Variants in DNAAF9 observed in about 807,000 individuals in gnomAD.
The protein encoded by DNAAF9 is shulin.
In DNAAF9, 90 loss-of-function variants were observed where a neutral mutation model predicts 167.0. That is an observed-to-expected ratio of 0.54 (90% CI 0.45 to 0.64). The LOEUF (loss-of-function observed/expected upper bound fraction) is 0.64. Among genes scored for constraint, DNAAF9 ranks in the 30% least tolerant of loss-of-function variants. DNAAF9 has a pLI of 0.00. For missense variants in DNAAF9, 1,315 were observed against 1,442.2 expected, an observed-to-expected ratio of 0.91 and a Z score of 1.43; for synonymous variants, 491 against 508.8, an observed-to-expected ratio of 0.96 and a Z score of 0.47.
intron 10 of DNAAF9, among the ~76,000 whole-genome samples, chr20:3,339,802 A>T (rs895391015): frequency 6.6e-6 from 1 of 152,162 alleles, no homozygotes; most frequent in Non-Finnish European, 1.5e-5. Flanking sequence ...AGGTGGGAGG[A>T]TCACCTGAGC....
At chr20:3,352,846 T>TTATAAATATATA (rs1555795387) in intron 7 of DNAAF9, among the ~76,000 whole-genome samples, 23 of 146,718 alleles carry the variant, frequency 1.6e-4, no homozygotes, top group Admixed American at 3.4e-4. Flanking sequence ...TTCAAAATAT[T>TTATAAATATATA]TATATATATA....
chr20:3,376,400 G>T (rs532339060), intron 3 of DNAAF9, 98 bp from the exon 4 acceptor site: 1 of 984,338 alleles, frequency 1.0e-6, no homozygotes, highest in African/African-American at 1.7e-5. Flanking sequence ...AACTACTTCA[G>T]AGACAATGTA....
intron 1 of DNAAF9, among the ~76,000 whole-genome samples, chr20:3,387,079 A>G (rs1036014829): frequency 1.3e-5 from 2 of 152,174 alleles, no homozygotes; most frequent in African/African-American, 2.4e-5. Context: ...TAAGCTGTCA[A>G]TGTTACCCAA....
intron 12 of DNAAF9, among the ~76,000 whole-genome samples, chr20:3,329,218 G>T (rs6084339): frequency 3.9e-5 from 4 of 103,366 alleles, no homozygotes; most frequent in Non-Finnish European, 8.1e-5. Flanking sequence ...CCCAGGCTGC[G>T]TGTAGTGGTG....
intron 9 of DNAAF9, among the ~76,000 whole-genome samples, chr20:3,342,873 C>T (rs536532042): frequency 5.3e-5 from 8 of 152,298 alleles, no homozygotes; most frequent in Non-Finnish European, 7.4e-5. Flanking sequence ...CCTCATTGAA[C>T]CCATCTTCGT....
chr20:3,335,271 G>T (rs746170990), intron 10 of DNAAF9, among the ~76,000 whole-genome samples: 1 of 151,978 alleles, frequency 6.6e-6, no homozygotes, highest in Admixed American at 6.6e-5. Flanking sequence ...CTTTTAGGTA[G>T]GTCTTCCAGC....
At chr20:3,355,898 T>G (rs1008471653) in intron 7 of DNAAF9, among the ~76,000 whole-genome samples, 1 of 152,176 alleles carries the variant, frequency 6.6e-6, no homozygotes, top group Non-Finnish European at 1.5e-5. Context: ...TCTTTTTTTT[T>G]TCAGATCCAG....
chr20:3,346,258 T>G (rs2070191076), intron 8 of DNAAF9, among the ~76,000 whole-genome samples: 1 of 152,164 alleles, frequency 6.6e-6, no homozygotes, highest in Non-Finnish European at 1.5e-5. Flanking sequence ...TGGCAATAAC[T>G]AACAACATGA....
At chr20:3,363,720 C>T (rs1481405112) in intron 6 of DNAAF9, among the ~76,000 whole-genome samples, 2 of 152,020 alleles carry the variant, frequency 1.3e-5, no homozygotes, top group Non-Finnish European at 2.9e-5. Flanking sequence ...AACAAAAAGA[C>T]ATAAAATGTC....
At chr20:3,262,867 A>C (rs988181226) in intron 31 of DNAAF9, among the ~76,000 whole-genome samples, 4 of 152,172 alleles carry the variant, frequency 2.6e-5, no homozygotes, top group Non-Finnish European at 5.9e-5. Flanking sequence ...ACATGATTCA[A>C]ATCAGAGATT....
At position 3,394,942 on chromosome 20, in the gene DNAAF9, C is replaced by CTTTTTTTTTTTTTTTTTTTT. The variant is rs1258382355; in HGVS notation, c.84-12437_84-12436insAAAAAAAAAAAAAAAAAAAA. 6.7e-5 allele frequency among the ~76,000 whole-genome samples: 6 copies of CTTTTTTTTTTTTTTTTTTTT among 89,018 alleles called. 2 individuals carry two copies. Among genetic ancestry groups the CTTTTTTTTTTTTTTTTTTTT allele is most frequent in the Non-Finnish European group, 9.3e-5 (4 of 42,886 alleles). The allele number at this position is 89,018 out of a possible 152,430, so 58.4% of individuals were successfully genotyped here. ...TTCCATGGCTTTTACTGAACATTTT[C>CTTTTTTTTTTTTTTTTTTTT]TTTTTTCTTTTTTTTTTTTTTTTTT... On this transcript the variant is annotated intron_variant, in intron 1 of 36. Transcript: ENST00000252032.
intron 8 of DNAAF9, among the ~76,000 whole-genome samples, chr20:3,346,771 CA>C (rs1041773414): frequency 2.6e-4 from 39 of 152,218 alleles, no homozygotes; most frequent in Admixed American, 1.6e-3. Flanking sequence ...ACGACAGTGA[CA>C]CTTCTGAGTA....
chr20:3,399,282 G>A (rs987725443), intron 1 of DNAAF9, among the ~76,000 whole-genome samples: 3 of 151,832 alleles, frequency 2.0e-5, no homozygotes, highest in African/African-American at 7.3e-5. Flanking sequence ...ACAATGGTGC[G>A]ATCTCGGCTC....
intron 16 of DNAAF9, among the ~76,000 whole-genome samples, chr20:3,319,115 T>C (rs1159353226): frequency 5.1e-5 from 5 of 98,482 alleles, no homozygotes; most frequent in African/African-American, 1.9e-4. Context: ...GAAAAAAAAA[T>C]AGCCAGGCAT....
intron 15 of DNAAF9, 38 bp from the exon 16 acceptor site, chr20:3,322,300 T>C: frequency 2.0e-6 from 3 of 1,476,750 alleles, no homozygotes; most frequent in Non-Finnish European, 1.9e-6. Context: ...TGTTAAAGAG[T>C]TTTTAAGTGT....
intron 22 of DNAAF9, 54 bp from the exon 23 acceptor site, chr20:3,297,003 G>A (rs1182608468): frequency 3.1e-6 from 3 of 979,644 alleles, no homozygotes; most frequent in Non-Finnish European, 4.9e-6. Flanking sequence ...AACAGGATAT[G>A]GAAGCCACAT....
At chr20:3,359,664 T>A in intron 6 of DNAAF9, 71 bp from the exon 7 acceptor site, 1 of 1,072,454 alleles carries the variant, frequency 9.3e-7, no homozygotes, top group Non-Finnish European at 1.4e-6. Flanking sequence ...TATTTTCTGA[T>A]GTTCAGAAAT....
rs1555790790 is a variant in DNAAF9 at position 3,311,979 on chromosome 20, CTTTTTTCTT to C, written c.1678+3045_1678+3053del. ...TTCAAGGTAAAGGAAGCACTATTCT[CTTTTTTCTT>C]TTTTTTCTTTTTTTTTTTGAGACAG... is the stretch of plus-strand genomic sequence containing the variant. On this transcript the variant is annotated intron_variant, in intron 20 of 36. Transcript: ENST00000252032. 1.5e-3 allele frequency among the ~76,000 whole-genome samples: 219 copies of C among 145,182 alleles called. 3 individuals carry two copies. Among genetic ancestry groups the C allele is most frequent in the Middle Eastern group, 0.014 (4 of 282 alleles).
chr20:3,377,584 A>G (rs1443072481), intron 3 of DNAAF9, among the ~76,000 whole-genome samples: 1 of 151,804 alleles, frequency 6.6e-6, no homozygotes. Context: ...CAGCCCCACA[A>G]GAAGCTGGGG....
Sources: allele counts gnomAD v4.1 joint callset (sites outside exome capture counted in the v4.1 genomes callset), GRCh38; gene constraint gnomAD v4.1.1; transcripts MANE v1.5; gene names NCBI Gene and HGNC (gene_info 2026-07-23, HGNC 2026-07-21).